BICRA: variants seen among roughly 807,000 people sequenced by gnomAD.
The protein encoded by BICRA is BRD4-interacting chromatin-remodeling complex-associated protein.
Under a neutral mutation model 96.9 loss-of-function variants are expected in BICRA, and 31 were observed. That is an observed-to-expected ratio of 0.32 (90% CI 0.24 to 0.43). BICRA has a LOEUF of 0.43. Ranked by LOEUF, BICRA falls within the 20% of genes least tolerant of loss-of-function variation. BICRA has a pLI of 1.00. For missense variants in BICRA, 2,283 were observed against 2,190.3 expected (o/e 1.04, Z -0.84); for synonymous variants, 1,350 against 1,071.8 (o/e 1.26, Z -5.07).
chr19:47,698,792 C>T lies in BICRA; in HGVS notation c.3397+10C>T. Reference sequence around the variant, plus strand: ...AGTGACTACCACAAAGGTGAGGCCTCCCCAGGACACGGCCCTATATGTCCC... The same window carrying T: ...AGTGACTACCACAAAGGTGAGGCCTTCCCAGGACACGGCCCTATATGTCCC... On this transcript the variant is annotated intron_variant, in intron 12 of 14. Coordinates refer to ENST00000594866, the MANE Select transcript of BICRA (RefSeq NM_001394372.1). This position sits in a 1 kb window ranked among gnomAD's most constrained non-coding sequence, Gnocchi z 4.8. The T allele has an allele frequency of 1.9e-6, 3 of 1,589,372 alleles. No individual in the cohort carries two copies. The highest frequency in any genetic ancestry group is 2.6e-6 in the Non-Finnish European group (3 of 1,166,306).
At chr19:47,682,364 A>G (rs991179897) in intron 7 of BICRA, among the ~76,000 whole-genome samples, 1 of 152,252 alleles carries the variant, frequency 6.6e-6, no homozygotes, top group Non-Finnish European at 1.5e-5. Flanking sequence ...GCAGGAATGC[A>G]AGACACACAC....
chr19:47,694,220 A>G lies in BICRA; in HGVS notation c.2389A>G (p.Thr797Ala). Reference sequence around the variant, plus strand: ...CCCCCACCTGCCCTCCCCACACCCCACCCGGCCCCCTTCCCGCCCACCCTC... The same window carrying G: ...CCCCCACCTGCCCTCCCCACACCCCGCCCGGCCCCCTTCCCGCCCACCCTC... The part of the protein sequence containing the change: ...DSPHLPSPHP[T>A]RPPSRPPSRP... Residue 797 changes from threonine to alanine, a missense_variant, in exon 8 of 15, where the codon ACC (threonine) becomes GCC (alanine). Transcript: ENST00000594866. 4.1e-6 allele frequency: 1 copy of G among 245,352 alleles called. No homozygotes were observed. Among genetic ancestry groups the G allele is most frequent in the Non-Finnish European group, 5.1e-6 (1 of 194,654 alleles). 15.2% of individuals were successfully genotyped at this position (245,352 alleles called of 1,614,324 possible).
chr19:47,684,609 C>T (rs768992400), intron 7 of BICRA, among the ~76,000 whole-genome samples: 3 of 152,136 alleles, frequency 2.0e-5, no homozygotes, highest in Admixed American at 6.5e-5. Flanking sequence ...TGTGAGACAC[C>T]GCGCCCGGCC....
At chr19:47,656,411 C>G (rs768040205) in intron 1 of BICRA, among the ~76,000 whole-genome samples, 7 of 152,294 alleles carry the variant, frequency 4.6e-5, no homozygotes, top group Middle Eastern at 3.4e-3. Flanking sequence ...AACAGAAACA[C>G]ACATAAGCCA....
At chr19:47,626,473 C>G (rs531408181) in intron 1 of BICRA, 1 of 152,034 alleles carries the variant, frequency 6.6e-6, no homozygotes, top group South Asian at 2.1e-4. Flanking sequence ...GCTGCAGCCC[C>G]GACCTCTCGA....
chr19:47,657,917 A>ACTCT (rs113660691), intron 1 of BICRA, among the ~76,000 whole-genome samples: 47,739 of 149,066 alleles, frequency 0.32, 8,072 homozygotes, highest in East Asian at 0.58. Flanking sequence ...TCCCTCTTAT[A>ACTCT]CTCTCTCTCT....
At chr19:47,622,053 A>C (rs1370778113) in intron 1 of BICRA, among the ~76,000 whole-genome samples, 1 of 148,512 alleles carries the variant, frequency 6.7e-6, no homozygotes, top group East Asian at 2.0e-4. Flanking sequence ...TGCAACCTCT[A>C]CCTCCCGGGT....
chr19:47,689,810 G>A (rs189309840), intron 7 of BICRA, among the ~76,000 whole-genome samples: 160 of 152,252 alleles, frequency 1.1e-3, no homozygotes, highest in African/African-American at 3.7e-3. Flanking sequence ...ACCCAAAGGG[G>A]AGCTCATTAT....
In BICRA at chr19:47,681,241, C is replaced by G. The variant is rs899132882; in HGVS notation, c.2071C>G (p.Leu691Val). ...QPPSATPTAI[L>V]TQDSLQMFLP... ...GCCCTCTGCCACCCCCACGGCCATC[C>G]TCACTCAGGACTCCCTGCAGATGTT... The change falls in exon 6 of 15, where the codon CTC becomes GTC. Residue 691 changes from leucine to valine, a missense_variant. Leu to Val is a conservative substitution (Grantham distance 32). Coordinates refer to ENST00000594866, the MANE Select transcript of BICRA (RefSeq NM_001394372.1). 1 of 1,538,228 alleles carries G rather than the reference C, an allele frequency of 6.5e-7. No individual in the cohort carries two copies. The highest frequency in any genetic ancestry group is 8.7e-7 in the Non-Finnish European group (1 of 1,147,882).
At chr19:47,615,091 C>T (rs1971963628) in intron 1 of BICRA, among the ~76,000 whole-genome samples, 1 of 152,182 alleles carries the variant, frequency 6.6e-6, no homozygotes, top group Non-Finnish European at 1.5e-5. Flanking sequence ...TCAAGTGAGC[C>T]TCGCATCTCA....
intron 6 of BICRA, 114 bp downstream of exon 6, chr19:47,681,390 G>C (rs987251301): frequency 3.4e-5 from 32 of 937,750 alleles, no homozygotes; most frequent in Non-Finnish European, 4.7e-5. Flanking sequence ...GCAGCTGGGG[G>C]GGGAAGGTCT....
chr19:47,656,349 G>A (rs1401553080), intron 1 of BICRA, among the ~76,000 whole-genome samples: 1 of 152,154 alleles, frequency 6.6e-6, no homozygotes, highest in East Asian at 1.9e-4. Flanking sequence ...TGCTGCTGAC[G>A]TGAGGCTCAG....
At chr19:47,654,251 T>A (rs997698666) in intron 1 of BICRA, among the ~76,000 whole-genome samples, 4 of 152,154 alleles carry the variant, frequency 2.6e-5, no homozygotes, top group African/African-American at 9.7e-5. Flanking sequence ...AATGGTATCC[T>A]CTGGTTCTGA....
At position 47,694,268 on chromosome 19, in the gene BICRA, C is replaced by A; in HGVS notation, c.2437C>A (p.Pro813Thr). 1.4e-6 allele frequency: 1 copy of A among 697,468 alleles called. No individual in the cohort carries two copies. The highest frequency in any genetic ancestry group is 2.2e-6 in the Non-Finnish European group (1 of 445,966). 43.2% of individuals were successfully genotyped at this position (697,468 alleles called of 1,614,324 possible). A position where few individuals can be genotyped will look rare whatever the true frequency, so the allele number is the denominator to read the frequency against. ...PPSRPQSVSR[P>T]PSEPPLHPCP... Reference sequence around the variant, plus strand: ...CTCCCGGCCACAGAGTGTGTCCCGCCCTCCCTCAGAGCCACCCTTGCACCC... The same window carrying A: ...CTCCCGGCCACAGAGTGTGTCCCGCACTCCCTCAGAGCCACCCTTGCACCC... Residue 813 changes from proline (P) to threonine (T), a missense_variant, in exon 8 of 15, where the codon CCT becomes ACT. Coordinates refer to ENST00000594866, the MANE Select transcript of BICRA (RefSeq NM_001394372.1).
chr19:47,682,552 G>A (rs777571299), intron 7 of BICRA, among the ~76,000 whole-genome samples: 41 of 152,144 alleles, frequency 2.7e-4, no homozygotes, highest in Admixed American at 9.8e-4. Flanking sequence ...TCTGGATAGG[G>A]AAACAGAATC....
At chr19:47,621,998 A>G (rs1357720677) in intron 1 of BICRA, among the ~76,000 whole-genome samples, 2 of 140,538 alleles carry the variant, frequency 1.4e-5, no homozygotes, top group African/African-American at 5.4e-5. Flanking sequence ...ATGAAGTCTC[A>G]CTCTGTTGCC....
chr19:47,620,707 T>C (rs1415193057), intron 1 of BICRA, among the ~76,000 whole-genome samples: 1 of 142,624 alleles, frequency 7.0e-6, no homozygotes, highest in Non-Finnish European at 1.5e-5. Context: ...AAAACCCACA[T>C]GCTTCCAAAT....
intron 1 of BICRA, among the ~76,000 whole-genome samples, chr19:47,645,716 C>T (rs745713831): frequency 2.6e-5 from 4 of 152,210 alleles, no homozygotes; most frequent in Non-Finnish European, 5.9e-5. Context: ...GGGCATATTT[C>T]CTTCTGATCT....
chr19:47,651,119 C>T lies in BICRA; in HGVS notation c.-107-19324C>T, dbSNP rs1290829215. 2.0e-5 allele frequency among the ~76,000 whole-genome samples: 3 copies of T among 152,122 alleles called. No individual in the cohort carries two copies. The South Asian group carries it at 6.2e-4, about 32-fold the overall frequency. On this transcript the variant is annotated intron_variant, in intron 1 of 14. Coordinates refer to ENST00000594866, the MANE Select transcript of BICRA (RefSeq NM_001394372.1). ...TACCGTCGCCCCCTCTCTGTGCTTCCGTCCTCACCTTCTGCAGTCCGTTCT... is the reference window on the plus strand; with the variant it reads ...TACCGTCGCCCCCTCTCTGTGCTTCTGTCCTCACCTTCTGCAGTCCGTTCT...
Sources: allele counts gnomAD v4.1 joint callset (sites outside exome capture counted in the v4.1 genomes callset), GRCh38; gene constraint gnomAD v4.1.1; non-coding constraint Gnocchi (gnomAD v3.1); transcripts MANE v1.5; gene names NCBI Gene and HGNC (gene_info 2026-07-23, HGNC 2026-07-21).